Variants in KCNQ1OT1 observed in about 807,000 individuals in gnomAD.
KCNQ1OT1 encodes the protein KCNQ1 antisense RNA 2 (non-protein coding).
chr11:2,637,562 T>A (rs1272831573), exon 1 of KCNQ1OT1: 2 of 152,230 alleles, frequency 1.3e-5, no homozygotes, highest in Non-Finnish European at 2.9e-5. Context: ...TTTGTTATAG[T>A]TTCTGTTCTT....
exon 1 of KCNQ1OT1, chr11:2,681,495 GTAAAGTCA>G (rs1485344859): frequency 2.5e-6 from 1 of 398,390 alleles, no homozygotes; most frequent in African/African-American, 2.1e-5. Flanking sequence ...ATGGGACTTA[GTAAAGTCA>G]AACTGGTCCA....
rs1850217965 is a variant in KCNQ1OT1, at chr11:2,673,195, G to C, written n.26800C>G. 1 of 398,616 alleles carries C rather than the reference G, an allele frequency of 2.5e-6. No homozygotes were observed. The highest frequency in any genetic ancestry group is 4.4e-6 in the Non-Finnish European group (1 of 226,138). 24.7% of individuals were successfully genotyped at this position (398,616 alleles called of 1,614,324 possible). ...ATGGGCCCTGGAGCCAAGGCCAAAAGCCGAACTGTGACTAGGCAAGCTGAG... is the reference window on the plus strand; with the variant it reads ...ATGGGCCCTGGAGCCAAGGCCAAAACCCGAACTGTGACTAGGCAAGCTGAG... On this transcript the variant is annotated non_coding_transcript_exon_variant, in exon 1 of 1. Transcript: ENST00000597346. This position sits in a 1 kb window ranked among gnomAD's most constrained non-coding sequence, Gnocchi z 4.5.
rs1850297938 is a variant in KCNQ1OT1, at chr11:2,676,532, G to A, written n.23463C>T. ...CTTGGACTTGGCAAAAGGCATAGAGGTAGTGGTACAGGAAAGGTCTAAGAA... is the reference window on the plus strand; with the variant it reads ...CTTGGACTTGGCAAAAGGCATAGAGATAGTGGTACAGGAAAGGTCTAAGAA... On this transcript the variant is annotated non_coding_transcript_exon_variant, in exon 1 of 1. Transcript: ENST00000597346. This position sits in a 1 kb window ranked among gnomAD's most constrained non-coding sequence, Gnocchi z 4.2. The A allele has an allele frequency of 2.5e-6, 1 of 398,656 alleles. No homozygotes were observed. The highest frequency in any genetic ancestry group is 4.4e-5 in the Admixed American group (1 of 22,734). 24.7% of individuals were successfully genotyped at this position (398,656 alleles called of 1,614,324 possible). A position where few individuals can be genotyped will look rare whatever the true frequency, so the allele number is the denominator to read the frequency against.
exon 1 of KCNQ1OT1, chr11:2,666,983 G>C (rs1038113292): frequency 5.0e-6 from 2 of 398,718 alleles, no homozygotes; most frequent in Non-Finnish European, 8.8e-6. Context: ...CCGCCCGGGA[G>C]GGCTGTACAG....
rs995807966 is a variant in KCNQ1OT1 at position 2,659,722 on chromosome 11, T to C, written n.40273A>G. ...ATTTTGCATTCCCACCAGTAACATA[T>C]GAGAGTTCTACATGTTCCACATCCT... is the stretch of plus-strand genomic sequence containing the variant. On this transcript the variant is annotated non_coding_transcript_exon_variant, in exon 1 of 1. Transcript: ENST00000597346. The surrounding 1 kb of genome is among the most constrained non-coding windows in gnomAD (Gnocchi z 4.3). 1 of 398,564 alleles carries C rather than the reference T, an allele frequency of 2.5e-6. No individual in the cohort carries two copies. Among genetic ancestry groups the C allele is most frequent in the Admixed American group, 4.4e-5 (1 of 22,746 alleles). 24.7% of individuals were successfully genotyped at this position (398,564 alleles called of 1,614,324 possible). A position where few individuals can be genotyped will look rare whatever the true frequency, so the allele number is the denominator to read the frequency against.
At chr11:2,633,199 G>T in exon 1 of KCNQ1OT1, 1 of 398,482 alleles carries the variant, frequency 2.5e-6, no homozygotes, top group East Asian at 3.6e-5. Context: ...CTGTTGGCCA[G>T]TTGTTCTATT....
At chr11:2,639,929 G>C (rs562396185) in exon 1 of KCNQ1OT1, 1 of 153,658 alleles carries the variant, frequency 6.5e-6, no homozygotes, top group Non-Finnish European at 1.4e-5. Flanking sequence ...CCCCAGCCTC[G>C]CTGCCGCCTT....
chr11:2,648,988 T>TTTTTTTTTTTTTTTTTTTTTTTC (rs1849713855), exon 1 of KCNQ1OT1: 1 of 322,162 alleles, frequency 3.1e-6, no homozygotes, highest in Non-Finnish European at 5.5e-6. Context: ...TTTCTTTTTT[T>TTTTTTTTTTTTTTTTTTTTTTTC]TTTTTTTTTT....
At chr11:2,609,456 A>G (rs1564832357) in exon 1 of KCNQ1OT1, 1 of 398,326 alleles carries the variant, frequency 2.5e-6, no homozygotes, top group Non-Finnish European at 4.4e-6. Context: ...TCCTTCTTGG[A>G]GAATGTCTCA....
chr11:2,675,565 C>G, exon 1 of KCNQ1OT1: 1 of 398,656 alleles, frequency 2.5e-6, no homozygotes, highest in Middle Eastern at 6.3e-4. Flanking sequence ...ATAAGACATA[C>G]GTAACAGTTT....
At chr11:2,688,446 A>G (rs1246654952) in exon 1 of KCNQ1OT1, 20 of 398,570 alleles carry the variant, frequency 5.0e-5, no homozygotes, top group African/African-American at 8.2e-5. Context: ...CTGTGCCATC[A>G]CTATTTCACA....
Position 2,679,035 on chromosome 11 carries a change from G to A in KCNQ1OT1, n.20960C>T, listed in dbSNP as rs1850342537. ...AACATAATCTAAAACTTGTAGCCCA[G>A]CCCCTCCTCCATACCAACCACCAAA... is the stretch of plus-strand genomic sequence containing the variant. On this transcript the variant is annotated non_coding_transcript_exon_variant, in exon 1 of 1. Transcript: ENST00000597346. This position sits in a 1 kb window ranked among gnomAD's most constrained non-coding sequence, Gnocchi z 4.8. 5.0e-6 allele frequency: 2 copies of A among 398,472 alleles called. No homozygotes were observed. The highest frequency in any genetic ancestry group is 8.8e-6 in the Non-Finnish European group (2 of 226,074). The allele number at this position is 398,472 out of a possible 1,614,324, so 24.7% of individuals were successfully genotyped here.
rs1374506829 is a variant in KCNQ1OT1, at chr11:2,669,619, A to G, written n.30376T>C. ...ACACTGGGGCAGTCACCTAATCTCT[A>G]TCAGCCTCAGTTTCCTCTTGTATAC... On this transcript the variant is annotated non_coding_transcript_exon_variant, in exon 1 of 1. Coordinates refer to ENST00000597346, the Ensembl canonical transcript of KCNQ1OT1. This position sits in a 1 kb window ranked among gnomAD's most constrained non-coding sequence, Gnocchi z 5.6. 2.0e-5 allele frequency: 8 copies of G among 398,454 alleles called. No homozygotes were observed. In the South Asian group the frequency reaches 3.8e-4, roughly 19 times the overall value. 24.7% of individuals were successfully genotyped at this position (398,454 alleles called of 1,614,324 possible).
chr11:2,640,192 T>C, exon 1 of KCNQ1OT1: 1 of 390,726 alleles, frequency 2.6e-6, no homozygotes, highest in Non-Finnish European at 4.5e-6. Flanking sequence ...CGTCTCACAC[T>C]CAGTGGGCTG....
At position 2,673,052 on chromosome 11, in the gene KCNQ1OT1, G is replaced by A. The variant is rs753809652; in HGVS notation, n.26943C>T. On this transcript the variant is annotated non_coding_transcript_exon_variant, in exon 1 of 1. Transcript: ENST00000597346. This position sits in a 1 kb window ranked among gnomAD's most constrained non-coding sequence, Gnocchi z 4.5. ...ATAGGGTCTAGGGCTGGCCAAAAGGGACAGTGAAGTTGGCTTCTCAGGCCA... is the reference window on the plus strand; with the variant it reads ...ATAGGGTCTAGGGCTGGCCAAAAGGAACAGTGAAGTTGGCTTCTCAGGCCA... The A allele has an allele frequency of 1.5e-5, 6 of 398,812 alleles. No individual in the cohort carries two copies. The highest frequency in any genetic ancestry group is 2.7e-5 in the Non-Finnish European group (6 of 226,200). 24.7% of individuals were successfully genotyped at this position (398,812 alleles called of 1,614,324 possible).
exon 1 of KCNQ1OT1, chr11:2,630,633 TTAGAG>T (rs1050320483): frequency 1.2e-4 from 46 of 398,342 alleles, no homozygotes; most frequent in African/African-American, 8.6e-4. Context: ...CATTACACTA[TTAGAG>T]TATTCTTAAG....
rs74046838 is a variant in KCNQ1OT1, at chr11:2,663,824, T to A, written n.36171A>T. 1,812 of 398,560 alleles carry A rather than the reference T, an allele frequency of 4.5e-3. 25 individuals carry two copies. Among genetic ancestry groups the A allele is most frequent in the African/African-American group, 0.034 (1,654 of 48,720 alleles). The allele number at this position is 398,560 out of a possible 1,614,324, so 24.7% of individuals were successfully genotyped here. A position where few individuals can be genotyped will look rare whatever the true frequency, so the allele number is the denominator to read the frequency against. ...CTATGGGGGTGAGGGCTGCCAGTGCTGGTATCAGCACATGCCAAGCTCCCT... is the reference window on the plus strand; with the variant it reads ...CTATGGGGGTGAGGGCTGCCAGTGCAGGTATCAGCACATGCCAAGCTCCCT... On this transcript the variant is annotated non_coding_transcript_exon_variant, in exon 1 of 1. Coordinates refer to ENST00000597346, the Ensembl canonical transcript of KCNQ1OT1. The surrounding 1 kb of genome is among the most constrained non-coding windows in gnomAD (Gnocchi z 5.2).
At chr11:2,665,093 TAA>T (rs1413480270) in exon 1 of KCNQ1OT1, 3 of 398,262 alleles carry the variant, frequency 7.5e-6, no homozygotes, top group African/African-American at 2.1e-5. Flanking sequence ...ACCCAGGAGA[TAA>T]AGAGTGGCGT....
chr11:2,612,225 G>A lies in KCNQ1OT1; in HGVS notation n.87770C>T, dbSNP rs1432783133. On this transcript the variant is annotated non_coding_transcript_exon_variant, in exon 1 of 1. Coordinates refer to ENST00000597346, the Ensembl canonical transcript of KCNQ1OT1. The surrounding 1 kb of genome is among the most constrained non-coding windows in gnomAD (Gnocchi z 5.5). ...CTGAGCTCTGCCTCCTGTCTGATCAGTGATGGCATTAGATTCTCACAGAGA... is the reference window on the plus strand; with the variant it reads ...CTGAGCTCTGCCTCCTGTCTGATCAATGATGGCATTAGATTCTCACAGAGA... 1 of 398,510 alleles carries A rather than the reference G, an allele frequency of 2.5e-6. No homozygotes were observed. The highest frequency in any genetic ancestry group is 2.1e-5 in the African/African-American group (1 of 48,638). 24.7% of individuals were successfully genotyped at this position (398,510 alleles called of 1,614,324 possible).
Sources: allele counts gnomAD v4.1 joint callset, GRCh38; gene constraint gnomAD v4.1.1; non-coding constraint Gnocchi (gnomAD v3.1); transcripts MANE v1.5; gene names NCBI Gene and HGNC (gene_info 2026-07-23, HGNC 2026-07-21).